MBD5: variants seen among roughly 807,000 people sequenced by gnomAD.
MBD5 encodes the protein methyl-CpG-binding domain protein 5.
MBD5 carries 13 observed loss-of-function variants against 117.3 expected under a neutral mutation model. The observed-to-expected ratio is 0.11, with a 90% CI of 0.07 to 0.18. The LOEUF (loss-of-function observed/expected upper bound fraction) is 0.18. Ranked by LOEUF, MBD5 falls within the 10% of genes least tolerant of loss-of-function variation. The pLI is 1.00. For synonymous variants in MBD5, 727 were observed against 766.4 expected (o/e 0.95, Z 0.85); for missense variants, 1,879 against 2,093.8 (o/e 0.90, Z 2.00).
chr2:148,324,909 T>G (rs562473022), intron 3 of MBD5, among the ~76,000 whole-genome samples: 7 of 152,346 alleles, frequency 4.6e-5, no homozygotes, highest in Non-Finnish European at 1.0e-4. Context: ...CCCTGTCTTG[T>G]GCCTGTTTTC....
At chr2:148,111,666 T>C (rs1696506704) in intron 1 of MBD5, among the ~76,000 whole-genome samples, 1 of 152,150 alleles carries the variant, frequency 6.6e-6, no homozygotes, top group Non-Finnish European at 1.5e-5. Flanking sequence ...TTAGGAGATA[T>C]CTACTGAAGT....
chr2:148,359,935 C>A (rs1259991917), intron 4 of MBD5, among the ~76,000 whole-genome samples: 2 of 152,050 alleles, frequency 1.3e-5, no homozygotes, highest in African/African-American at 4.8e-5. Context: ...TAGGGACTCT[C>A]ATTTTGCTGA....
chr2:148,305,306 A>T (rs1442708873), intron 3 of MBD5, among the ~76,000 whole-genome samples: 1 of 152,174 alleles, frequency 6.6e-6, no homozygotes, highest in Admixed American at 6.5e-5. Context: ...AGGAAAGAAG[A>T]GTCAATCTTC....
chr2:148,381,990 G>C (rs1284541869), intron 4 of MBD5, among the ~76,000 whole-genome samples: 1 of 152,156 alleles, frequency 6.6e-6, no homozygotes, highest in Non-Finnish European at 1.5e-5. Flanking sequence ...ACCGGTACTA[G>C]CCACTGCAAA....
At chr2:148,376,841 A>ATATT (rs1704005796) in intron 4 of MBD5, among the ~76,000 whole-genome samples, 1 of 114,574 alleles carries the variant, frequency 8.7e-6, no homozygotes, top group South Asian at 2.9e-4. Flanking sequence ...TAACATATAT[A>ATATT]TAATTATATA....
At chr2:148,359,266 CA>C (rs3076505) in intron 4 of MBD5, among the ~76,000 whole-genome samples, 15,631 of 123,156 alleles carry the variant, frequency 0.13, 1,045 homozygotes, top group African/African-American at 0.26. Flanking sequence ...GGCTCTGTCT[CA>C]AAAAAAAAAA....
At chr2:148,244,370 G>A (rs1233489692) in intron 3 of MBD5, 1 of 152,130 alleles carries the variant, frequency 6.6e-6, no homozygotes, top group Non-Finnish European at 1.5e-5. Context: ...GTGGGTAAAA[G>A]TACCACATTA....
At chr2:148,107,579 T>C (rs1696402779) in intron 1 of MBD5, among the ~76,000 whole-genome samples, 1 of 152,170 alleles carries the variant, frequency 6.6e-6, no homozygotes, top group East Asian at 1.9e-4. Flanking sequence ...TTTCCAGTTT[T>C]CTAATTCTCT....
intron 1 of MBD5, among the ~76,000 whole-genome samples, chr2:148,048,540 G>T (rs1042424519): frequency 3.9e-5 from 6 of 152,112 alleles, no homozygotes; most frequent in Admixed American, 3.3e-4. Context: ...TCTATTTTTG[G>T]ACATTAGCAA....
intron 4 of MBD5, among the ~76,000 whole-genome samples, chr2:148,380,979 T>A (rs1435644341): frequency 6.6e-6 from 1 of 151,994 alleles, no homozygotes; most frequent in Non-Finnish European, 1.5e-5. Flanking sequence ...TACGTCACCA[T>A]CATCAAAGAC....
chr2:148,252,292 T>C lies in MBD5; in HGVS notation c.-680+18897T>C, dbSNP rs183297200. Among the ~76,000 whole-genome samples the C allele has an allele frequency of 3.7e-3, 563 of 152,100 alleles. 2 individuals are homozygous for C. Among genetic ancestry groups the C allele is most frequent in the Non-Finnish European group, 5.5e-3 (371 of 67,996 alleles). On this transcript the variant is annotated intron_variant, in intron 3 of 13. Transcript: ENST00000642680. The stretch of plus-strand genomic sequence containing the variant: ...AGCCTGAACATAGCTAGACACCCTC[T>C]CTACAAAATACAAAAAAAATAGCCA...
chr2:148,059,839 C>T (rs1694978811), intron 1 of MBD5, among the ~76,000 whole-genome samples: 1 of 149,196 alleles, frequency 6.7e-6, no homozygotes, highest in Admixed American at 6.7e-5. Context: ...GAGCGAGACT[C>T]CGTCTCAAAA....
intron 8 of MBD5, among the ~76,000 whole-genome samples, chr2:148,475,642 C>A (rs907909316): frequency 2.0e-5 from 3 of 152,050 alleles, no homozygotes; most frequent in African/African-American, 7.2e-5. Context: ...ACATTGAGCT[C>A]ACTTATAAAG....
Position 148,485,777 on chromosome 2 carries a change from C to G in MBD5, c.3580C>G (p.His1194Asp). The G allele has an allele frequency of 6.2e-7, 1 of 1,613,700 alleles. No individual in the cohort carries two copies. Among genetic ancestry groups the G allele is most frequent in the Non-Finnish European group, 8.5e-7 (1 of 1,179,762 alleles). ...ATCAATAAACAATACTTTGAGTAAC[C>G]ATCAACTGACTCATCTACAGTCGCT... is the stretch of plus-strand genomic sequence containing the variant. ...MSSINNTLSNHQLTHLQSLLN... is the reference protein window; with the variant it reads ...MSSINNTLSNDQLTHLQSLLN... Residue 1194 changes from histidine (H) to aspartate (D), a missense_variant, in exon 10 of 14, where the codon CAT becomes GAT. Transcript: ENST00000642680.
At chr2:148,447,284 A>G (rs1706589954) in intron 4 of MBD5, among the ~76,000 whole-genome samples, 1 of 151,850 alleles carries the variant, frequency 6.6e-6, no homozygotes, top group South Asian at 2.1e-4. Context: ...AAAGTAGAGG[A>G]TTGAAATTGG....
intron 3 of MBD5, among the ~76,000 whole-genome samples, chr2:148,299,829 T>G (rs994888858): frequency 2.0e-5 from 3 of 152,190 alleles, no homozygotes; most frequent in African/African-American, 7.2e-5. Context: ...AGTCATAACC[T>G]TTTATATTTG....
At chr2:148,025,276 C>T (rs1015165828) in intron 1 of MBD5, 6 of 151,814 alleles carry the variant, frequency 4.0e-5, no homozygotes, top group African/African-American at 1.5e-4. Context: ...GTGTTTCTAC[C>T]TAAATAAATT....
chr2:148,166,916 C>T (rs1373391840), intron 1 of MBD5, among the ~76,000 whole-genome samples: 1 of 151,546 alleles, frequency 6.6e-6, no homozygotes, highest in Non-Finnish European at 1.5e-5. Flanking sequence ...AAGTGTTTTC[C>T]CTTGAGGATT....
intron 1 of MBD5, among the ~76,000 whole-genome samples, chr2:148,127,479 T>A (rs1696930131): frequency 2.0e-5 from 3 of 152,308 alleles, no homozygotes; most frequent in African/African-American, 7.2e-5. Flanking sequence ...AGTGAGAACA[T>A]GTGGTATTTG....
Sources: allele counts gnomAD v4.1 joint callset (sites outside exome capture counted in the v4.1 genomes callset), GRCh38; gene constraint gnomAD v4.1.1; transcripts MANE v1.5; gene names NCBI Gene and HGNC (gene_info 2026-07-23, HGNC 2026-07-21).